MIB1: variants seen among roughly 807,000 people sequenced by gnomAD.
MIB1 encodes MIB E3 ubiquitin protein ligase 1.
In MIB1, 278 loss-of-function variants were observed where a neutral mutation model predicts 124.5. The observed-to-expected ratio is 2.23, with a 90% CI of 2.02 to 2.47. The LOEUF (loss-of-function observed/expected upper bound fraction) is 2.47, where lower values mean the gene tolerates loss of function less well. Among genes scored for constraint, MIB1 ranks in the 30% most tolerant of loss-of-function variants. The pLI is 0.00. For synonymous variants in MIB1, 446 were observed against 429.4 expected, an observed-to-expected ratio of 1.04 and a Z score of -0.48; for missense variants, 957 against 1,254.4, an observed-to-expected ratio of 0.76 and a Z score of 3.58.
At chr18:21,815,543 T>C in intron 10 of MIB1, 73 bp from the exon 11 acceptor site, 1 of 1,286,150 alleles carries the variant, frequency 7.8e-7, no homozygotes, top group Non-Finnish European at 1.1e-6. Flanking sequence ...TGCTTCTTGG[T>C]ATATTATTAT....
rs372639141 is a variant in MIB1 at position 21,861,194 on chromosome 18, GA to G, written c.2880+2550del. Among the ~76,000 whole-genome samples, 8 of 152,168 alleles carry G rather than the reference GA, an allele frequency of 5.3e-5. No homozygotes were observed. The Middle Eastern group carries it at 0.01, about 194-fold the overall frequency. On this transcript the variant is annotated intron_variant, in intron 20 of 20. Coordinates refer to ENST00000261537, the MANE Select transcript of MIB1 (RefSeq NM_020774.4). ...AGAATGAATAAGTGAAGATCAATAT[GA>G]ATTTAATGGTTCTTAATGTAATTTG...
chr18:21,772,134 A>G (rs2041230618), intron 3 of MIB1, among the ~76,000 whole-genome samples: 1 of 152,224 alleles, frequency 6.6e-6, no homozygotes, highest in Admixed American at 6.5e-5. Context: ...TATTTCCACA[A>G]ATATATCATA....
intron 1 of MIB1, among the ~76,000 whole-genome samples, chr18:21,742,294 T>A (rs1438056938): frequency 5.2e-4 from 77 of 148,096 alleles, no homozygotes; most frequent in African/African-American, 1.9e-3. Context: ...TTTTTTTTTT[T>A]AACCTCCTGT....
rs755614476 is a variant in MIB1 at position 21,798,155 on chromosome 18, A to G, written c.1164A>G (p.Thr388=). ...ATTTAAAGGTGGAAGTTTGTGGAAC[A>G]TCTTGGACATACAATCCAGCAGCAG... is the stretch of plus-strand genomic sequence containing the variant. ...DSDLKVEVCG[T]SWTYNPAAVS... The change falls in exon 8 of 21, where the codon ACA becomes ACG. Residue 388 remains threonine, a synonymous_variant. Coordinates refer to ENST00000261537, the MANE Select transcript of MIB1 (RefSeq NM_020774.4). The G allele has an allele frequency of 1.9e-6, 3 of 1,613,288 alleles. No individual in the cohort carries two copies. The highest frequency in any genetic ancestry group is 2.5e-6 in the Non-Finnish European group (3 of 1,179,490).
intron 7 of MIB1, among the ~76,000 whole-genome samples, chr18:21,797,127 A>C (rs1007758227): frequency 6.6e-6 from 1 of 152,166 alleles, no homozygotes. Context: ...ACTTTGGGTG[A>C]GTTGATAATA....
rs776902941 is a variant in MIB1, at chr18:21,858,530, T to C, written c.2780-16T>C. ...AAGCAATAATAACTGAAAATCTTTT[T>C]AAATCTATATTATAGCAAGTGGGAA... On this transcript the variant is annotated splice_polypyrimidine_tract_variant and intron_variant, in intron 19 of 20. Transcript: ENST00000261537. The C allele has an allele frequency of 2.6e-6, 3 of 1,173,324 alleles. No individual in the cohort carries two copies. The African/African-American group carries it at 4.6e-5, about 18-fold the overall frequency. The allele number at this position is 1,173,324 out of a possible 1,614,324, so 72.7% of individuals were successfully genotyped here. A position where few individuals can be genotyped will look rare whatever the true frequency, so the allele number is the denominator to read the frequency against.
chr18:21,708,051 CG>C (rs2040647998), intron 1 of MIB1, among the ~76,000 whole-genome samples: 1 of 152,124 alleles, frequency 6.6e-6, no homozygotes, highest in African/African-American at 2.4e-5. Flanking sequence ...CTCATTATCT[CG>C]CCTAAACCTA....
In MIB1 at chr18:21,828,086, T is replaced by C. The variant is rs375002863; in HGVS notation, c.1829+8440T>C. 20 of 152,108 alleles carry C rather than the reference T, an allele frequency of 1.3e-4. 1 individual carries two copies. The highest frequency in any genetic ancestry group is 4.8e-4 in the African/African-American group (20 of 41,554). The allele number at this position is 152,108 out of a possible 1,614,324, so 9.4% of individuals were successfully genotyped here. ...TGTGTGAAATAAAAGTATTTTGATA[T>C]TTCTAAACAATGGATTGATCAAGTT... is the stretch of plus-strand genomic sequence containing the variant. On this transcript the variant is annotated intron_variant, in intron 12 of 20. Coordinates refer to ENST00000261537, the MANE Select transcript of MIB1 (RefSeq NM_020774.4).
intron 1 of MIB1, among the ~76,000 whole-genome samples, chr18:21,731,398 T>C (rs2959524): frequency 0.46 from 70,247 of 152,068 alleles, 19,667 homozygotes; most frequent in African/African-American, 0.79. Context: ...ATCTATTCAC[T>C]TGTTGAAGGA....
intron 11 of MIB1, among the ~76,000 whole-genome samples, chr18:21,818,692 T>C (rs113608439): frequency 0.019 from 2,885 of 152,130 alleles, 41 homozygotes; most frequent in East Asian, 0.069. Context: ...ATCCCAGCAC[T>C]GTGGGAGGCT....
At chr18:21,835,890 A>G (rs1370769945) in intron 12 of MIB1, among the ~76,000 whole-genome samples, 2 of 150,564 alleles carry the variant, frequency 1.3e-5, no homozygotes, top group African/African-American at 2.5e-5. Context: ...AGGTATTTGT[A>G]CTATGTTTGA....
intron 6 of MIB1, among the ~76,000 whole-genome samples, chr18:21,784,340 C>T (rs893615571): frequency 1.3e-5 from 2 of 152,044 alleles, no homozygotes; most frequent in Admixed American, 1.3e-4. Context: ...AGCCACCGCG[C>T]CCAGCCCTGT....
chr18:21,706,664 A>G (rs1312938184), intron 1 of MIB1, among the ~76,000 whole-genome samples: 1 of 152,084 alleles, frequency 6.6e-6, no homozygotes, highest in Non-Finnish European at 1.5e-5. Context: ...CACCCAGACC[A>G]GCAGCTGTGG....
At chr18:21,807,309 A>G (rs1459482672) in intron 10 of MIB1, among the ~76,000 whole-genome samples, 2 of 152,058 alleles carry the variant, frequency 1.3e-5, no homozygotes, top group South Asian at 2.1e-4. Flanking sequence ...GCACACAGCT[A>G]TAGTCTCTTC....
chr18:21,748,842 C>T (rs939291995), intron 1 of MIB1, among the ~76,000 whole-genome samples: 16 of 151,368 alleles, frequency 1.1e-4, no homozygotes, highest in Admixed American at 7.9e-4. Flanking sequence ...AGGTGATCCG[C>T]CTACCTCAGC....
At position 21,748,753 on chromosome 18, in the gene MIB1, T is replaced by A. The variant is rs1026033986; in HGVS notation, c.229+6941T>A. Among the ~76,000 whole-genome samples the A allele has an allele frequency of 4.6e-5, 6 of 131,654 alleles. No individual in the cohort carries two copies. The South Asian group carries it at 7.0e-4, about 15-fold the overall frequency. The allele number at this position is 131,654 out of a possible 152,430, so 86.4% of individuals were successfully genotyped here. A position where few individuals can be genotyped will look rare whatever the true frequency, so the allele number is the denominator to read the frequency against. ...GCCTTTTTTTTTTTTTTTTTTTTTT[T>A]AAAGAGTTTCACTCTGTTGCCCAGG... is the stretch of plus-strand genomic sequence containing the variant. On this transcript the variant is annotated intron_variant, in intron 1 of 20. Coordinates refer to ENST00000261537, the MANE Select transcript of MIB1 (RefSeq NM_020774.4).
chr18:21,807,559 G>A (rs1033971016), intron 10 of MIB1, among the ~76,000 whole-genome samples: 4 of 152,164 alleles, frequency 2.6e-5, no homozygotes, highest in Non-Finnish European at 5.9e-5. Context: ...TCAGCTGGGG[G>A]CATTTAGGCT....
chr18:21,846,950 A>G lies in MIB1; in HGVS notation c.2218A>G (p.Met740Val). ...AWEPSKNTLI[M>V]GLGTQGAEKK... ...ACTCTTTATTTTATTGCAGTTAATAATGGGACTTGGTACCCAGGGGGCAGA... is the reference window on the plus strand; with the variant it reads ...ACTCTTTATTTTATTGCAGTTAATAGTGGGACTTGGTACCCAGGGGGCAGA... Residue 740 changes from methionine (M) to valine (V), a missense_variant, in exon 16 of 21, where the codon ATG (methionine) becomes GTG (valine). By Grantham distance (21) the Met-to-Val change is conservative (BLOSUM62 1). Coordinates refer to ENST00000261537, the MANE Select transcript of MIB1 (RefSeq NM_020774.4). 1 of 1,612,686 alleles carries G rather than the reference A, an allele frequency of 6.2e-7. No homozygotes were observed. The highest frequency in any genetic ancestry group is 8.5e-7 in the Non-Finnish European group (1 of 1,179,372).
chr18:21,734,819 G>A (rs1165497395), intron 1 of MIB1, among the ~76,000 whole-genome samples: 3 of 152,136 alleles, frequency 2.0e-5, no homozygotes, highest in South Asian at 4.1e-4. Context: ...ATGAGCCACC[G>A]CTCCCAGCCA....
Sources: gnomAD v4.1 joint callset for allele counts (sites outside exome capture counted in the v4.1 genomes callset) on GRCh38, gnomAD v4.1.1 for gene constraint, MANE v1.5 for transcripts, NCBI Gene and HGNC (gene_info 2026-07-23, HGNC 2026-07-21) for gene names.